NOL10: variants seen among roughly 807,000 people sequenced by gnomAD.
NOL10 encodes nucleolar protein 10.
NOL10 carries 58 observed loss-of-function variants against 103.5 expected under a neutral mutation model. That is an observed-to-expected ratio of 0.56 (90% CI 0.45 to 0.70). NOL10 has a LOEUF of 0.70. Among genes scored for constraint, NOL10 ranks in the 30% least tolerant of loss-of-function variants. The pLI is 0.00. For missense variants in NOL10, 763 were observed against 807.3 expected (o/e 0.95, Z 0.67); for synonymous variants, 287 against 282.5 (o/e 1.02, Z -0.16).
At chr2:10,600,543 A>G (rs1178459589) in intron 17 of NOL10, among the ~76,000 whole-genome samples, 1 of 152,246 alleles carries the variant, frequency 6.6e-6, no homozygotes, top group Non-Finnish European at 1.5e-5. Context: ...TATTTTAAAG[A>G]ATCAGGATAA....
intron 17 of NOL10, among the ~76,000 whole-genome samples, chr2:10,599,598 C>A (rs1026394946): frequency 6.6e-6 from 1 of 152,130 alleles, no homozygotes; most frequent in Non-Finnish European, 1.5e-5. Flanking sequence ...CTATTCATGT[C>A]ATGAAAATGG....
At chr2:10,663,751 C>T (rs907988467) in intron 8 of NOL10, among the ~76,000 whole-genome samples, 5 of 151,830 alleles carry the variant, frequency 3.3e-5, no homozygotes, top group African/African-American at 1.2e-4. Context: ...AGATCGAGAC[C>T]ATCCTGGCTA....
At chr2:10,607,378 A>T (rs1676315565) in intron 13 of NOL10, 67 bp from the exon 14 acceptor site, 1 of 1,484,014 alleles carries the variant, frequency 6.7e-7, no homozygotes, top group African/African-American at 1.4e-5. Flanking sequence ...TCAGTTATTT[A>T]TAACCAGATT....
At position 10,603,149 on chromosome 2, in the gene NOL10, G is replaced by T; in HGVS notation, c.1162C>A (p.His388Asn). Residue 388 changes from histidine to asparagine, a missense_variant, in exon 15 of 21, where the codon CAC becomes AAC. Coordinates refer to ENST00000381685, the MANE Select transcript of NOL10 (RefSeq NM_024894.4). ...KKDLENLGLT[H>N]LIGSPFLRAY... ...CGGAGGAAAGGAGATCCAATGAGGT[G>T]GGTGAGCCCTGGGAAAGGTCAAACA... is the stretch of plus-strand genomic sequence containing the variant. 1 of 1,610,448 alleles carries T rather than the reference G, an allele frequency of 6.2e-7. No homozygotes were observed. Among genetic ancestry groups the T allele is most frequent in the Non-Finnish European group, 8.5e-7 (1 of 1,178,084 alleles).
intron 13 of NOL10, among the ~76,000 whole-genome samples, chr2:10,641,411 A>C (rs558514491): frequency 2.9e-4 from 44 of 152,254 alleles, no homozygotes; most frequent in Non-Finnish European, 5.4e-4. Context: ...TAACTAAAAA[A>C]CAATACATCC....
chr2:10,626,546 AG>A (rs1677477983), intron 13 of NOL10, among the ~76,000 whole-genome samples: 1 of 152,230 alleles, frequency 6.6e-6, no homozygotes, highest in Admixed American at 6.5e-5. Context: ...CCAAAAAAAA[AG>A]AAGAGATAAT....
chr2:10,673,726 C>A (rs1356531067), intron 4 of NOL10, among the ~76,000 whole-genome samples, 169 bp from the exon 5 acceptor site: 1 of 152,088 alleles, frequency 6.6e-6, no homozygotes, highest in East Asian at 1.9e-4. Flanking sequence ...TCCCAAAACA[C>A]CAACAAAAAC....
chr2:10,584,432 A>G (rs899151507), intron 19 of NOL10, among the ~76,000 whole-genome samples: 6 of 152,256 alleles, frequency 3.9e-5, no homozygotes, highest in Non-Finnish European at 8.8e-5. Context: ...ATCTAAAGCC[A>G]TATGACCACA....
At chr2:10,587,190 TACAC>T (rs373680844) in intron 19 of NOL10, among the ~76,000 whole-genome samples, 1 of 38,578 alleles carries the variant, frequency 2.6e-5, no homozygotes, top group Non-Finnish European at 4.7e-5. Context: ...CACATATATA[TACAC>T]ATATATATAC....
chr2:10,641,236 A>G (rs1414088803), intron 13 of NOL10, among the ~76,000 whole-genome samples: 2 of 151,792 alleles, frequency 1.3e-5, no homozygotes, highest in Non-Finnish European at 2.9e-5. Context: ...CCAGCTCCTC[A>G]GGAGGCTGAG....
chr2:10,641,542 C>G (rs550228802), intron 13 of NOL10, among the ~76,000 whole-genome samples: 2 of 152,286 alleles, frequency 1.3e-5, no homozygotes, highest in African/African-American at 4.8e-5. Context: ...AACAAAAAAG[C>G]TGTTTTGCTT....
chr2:10,641,334 G>A (rs755712671), intron 13 of NOL10, among the ~76,000 whole-genome samples: 2 of 144,606 alleles, frequency 1.4e-5, no homozygotes, highest in Non-Finnish European at 1.5e-5. Flanking sequence ...CAAAAACTCC[G>A]TCTCAAAAAA....
intron 16 of NOL10, 24 bp from the exon 17 acceptor site, chr2:10,600,966 AT>A: frequency 7.5e-7 from 1 of 1,336,266 alleles, no homozygotes. Flanking sequence ...AAAAGCTGGT[AT>A]TTTATTTTAT....
chr2:10,631,778 G>A (rs954294983), intron 13 of NOL10, among the ~76,000 whole-genome samples: 15 of 150,584 alleles, frequency 1.0e-4, no homozygotes, highest in Non-Finnish European at 8.8e-5. Context: ...GCAATGGCAC[G>A]ACCTCAGCTC....
In NOL10 at chr2:10,679,656, C is replaced by T. The variant is rs149425111; in HGVS notation, c.211+2315G>A. ...TCTTTCTTTCTTTGAGACAGAGTCT[C>T]GCTCTGTTGCCCAGGGTGGAGCGCA... On this transcript the variant is annotated intron_variant, in intron 3 of 20. Coordinates refer to ENST00000381685, the MANE Select transcript of NOL10 (RefSeq NM_024894.4). Among the ~76,000 whole-genome samples, 728 of 152,198 alleles carry T rather than the reference C, an allele frequency of 4.8e-3. 2 individuals carry two copies. Among genetic ancestry groups the T allele is most frequent in the African/African-American group, 0.016 (667 of 41,542 alleles).
Position 10,575,285 on chromosome 2 carries a change from T to C in NOL10, c.1947+2351A>G, listed in dbSNP as rs183672948. Reference sequence around the variant, plus strand: ...CATGGATTTTCTCTCTTCAATTTTATTGAAATTTTAGGAGGTACATATGCA... The same window carrying C: ...CATGGATTTTCTCTCTTCAATTTTACTGAAATTTTAGGAGGTACATATGCA... On this transcript the variant is annotated intron_variant, in intron 20 of 20. Coordinates refer to ENST00000381685, the MANE Select transcript of NOL10 (RefSeq NM_024894.4). Among the ~76,000 whole-genome samples the C allele has an allele frequency of 1.4e-3, 218 of 152,368 alleles. 1 individual carries two copies. The highest frequency in any genetic ancestry group is 4.8e-3 in the African/African-American group (200 of 41,580).
chr2:10,688,890 A>C (rs1453278393), intron 1 of NOL10, among the ~76,000 whole-genome samples: 1 of 152,242 alleles, frequency 6.6e-6, no homozygotes, highest in Non-Finnish European at 1.5e-5. Context: ...GAAAAACCTA[A>C]GCACTGGCTC....
At chr2:10,592,296 T>G (rs780936023) in intron 17 of NOL10, among the ~76,000 whole-genome samples, 11 of 152,164 alleles carry the variant, frequency 7.2e-5, no homozygotes, top group Non-Finnish European at 1.3e-4. Context: ...ACATGTAGCT[T>G]AAGCAACCAG....
chr2:10,687,157 C>T (rs1682272864), intron 1 of NOL10, among the ~76,000 whole-genome samples: 1 of 148,212 alleles, frequency 6.7e-6, no homozygotes, highest in Non-Finnish European at 1.5e-5. Flanking sequence ...GTTTAGGCAC[C>T]ACACCTCAAA....
Sources: gnomAD v4.1 joint callset for allele counts (sites outside exome capture counted in the v4.1 genomes callset) on GRCh38, gnomAD v4.1.1 for gene constraint, MANE v1.5 for transcripts, NCBI Gene and HGNC (gene_info 2026-07-23, HGNC 2026-07-21) for gene names.